The following ZSWIM5 variants were observed in gnomAD, a reference collection of about 807,000 sequenced individuals.
ZSWIM5 encodes the protein zinc finger SWIM-type containing 5, also known as zinc finger SWIM domain-containing protein 5.
A neutral mutation model predicts 119.6 loss-of-function variants in ZSWIM5; 55 were observed. The observed-to-expected ratio is 0.46, with a 90% CI of 0.37 to 0.58. The LOEUF is 0.58. Among genes scored for constraint, ZSWIM5 ranks in the 20% least tolerant of loss-of-function variants. ZSWIM5 has a pLI of 0.00. For missense variants in ZSWIM5, 1,193 were observed against 1,512.8 expected (o/e 0.79, Z 3.51); for synonymous variants, 537 against 606.9 (o/e 0.88, Z 1.69).
At chr1:45,180,756 C>T (rs966494418) in intron 1 of ZSWIM5, among the ~76,000 whole-genome samples, 1 of 152,120 alleles carries the variant, frequency 6.6e-6, no homozygotes, top group Non-Finnish European at 1.5e-5. Flanking sequence ...AACGATCAGA[C>T]AGCAGCATTC....
intron 1 of ZSWIM5, among the ~76,000 whole-genome samples, chr1:45,123,794 C>T (rs546352614): frequency 6.6e-6 from 1 of 152,190 alleles, no homozygotes; most frequent in East Asian, 1.9e-4. Flanking sequence ...CAAAGAAATC[C>T]ACGTCAAGAT....
intron 11 of ZSWIM5, among the ~76,000 whole-genome samples, chr1:45,024,102 A>G (rs1644905590): frequency 6.6e-6 from 1 of 151,688 alleles, no homozygotes. Flanking sequence ...TATTTGGGAT[A>G]TAAGTCCTTT....
intron 11 of ZSWIM5, among the ~76,000 whole-genome samples, chr1:45,024,603 C>A (rs1271289454): frequency 6.6e-6 from 1 of 151,924 alleles, no homozygotes; most frequent in Non-Finnish European, 1.5e-5. Flanking sequence ...ATTGTCAAAC[C>A]CCAAATCACC....
intron 1 of ZSWIM5, among the ~76,000 whole-genome samples, chr1:45,189,414 A>G (rs1646078036): frequency 6.6e-6 from 1 of 152,138 alleles, no homozygotes; most frequent in Non-Finnish European, 1.5e-5. Context: ...TAATATATCA[A>G]AGAACCATTA....
intron 1 of ZSWIM5, among the ~76,000 whole-genome samples, chr1:45,112,113 A>G (rs565126669): frequency 2.0e-5 from 3 of 152,314 alleles, no homozygotes; most frequent in South Asian, 4.2e-4. Flanking sequence ...CTATCTTCAC[A>G]AACAAGACAG....
chr1:45,128,158 A>T (rs1645632137), intron 1 of ZSWIM5, among the ~76,000 whole-genome samples: 1 of 152,222 alleles, frequency 6.6e-6, no homozygotes, highest in South Asian at 2.1e-4. Context: ...ATGGAAAGTC[A>T]AAGGCACTTA....
rs956128703 is a variant in ZSWIM5 at position 45,162,350 on chromosome 1, A to G, written c.595+43406T>C. Among the ~76,000 whole-genome samples, 8 of 152,290 alleles carry G rather than the reference A, an allele frequency of 5.3e-5. No homozygotes were observed. In the East Asian group the frequency reaches 1.5e-3, roughly 29 times the overall value. ...CTACTAAAAATACAAAAATTGGGAG[A>G]GGAGGTTCCAAGATGGCCGAATAGG... On this transcript the variant is annotated intron_variant, in intron 1 of 13. Transcript: ENST00000359600.
chr1:45,078,260 T>C (rs575041784), intron 2 of ZSWIM5, among the ~76,000 whole-genome samples: 1 of 152,370 alleles, frequency 6.6e-6, no homozygotes, highest in East Asian at 1.9e-4. Flanking sequence ...TCTTCTGTCA[T>C]GGCTTCAGCC....
At chr1:45,044,723 CAAAAAAAA>C (rs869224710) in intron 5 of ZSWIM5, among the ~76,000 whole-genome samples, 425 of 4,398 alleles carry the variant, frequency 0.097, 77 homozygotes, top group African/African-American at 0.1. Flanking sequence ...GACTCCGTCT[CAAAAAAAA>C]AAAAAAAAAA....
intron 1 of ZSWIM5, among the ~76,000 whole-genome samples, chr1:45,146,890 G>T (rs1645765195): frequency 6.6e-6 from 1 of 151,980 alleles, no homozygotes; most frequent in Non-Finnish European, 1.5e-5. Context: ...ACCATCCTTG[G>T]TCCTACATTA....
chr1:45,175,208 T>C (rs1345687157), intron 1 of ZSWIM5, among the ~76,000 whole-genome samples: 2 of 152,114 alleles, frequency 1.3e-5, no homozygotes, highest in African/African-American at 4.8e-5. Context: ...AGATTCAGGT[T>C]ATCTATCTTT....
chr1:45,151,244 TTATA>T (rs1284447773), intron 1 of ZSWIM5, among the ~76,000 whole-genome samples: 1 of 151,882 alleles, frequency 6.6e-6, no homozygotes, highest in Non-Finnish European at 1.5e-5. Context: ...AGTTATATAT[TTATA>T]TATACTTAAA....
intron 11 of ZSWIM5, among the ~76,000 whole-genome samples, chr1:45,023,904 CT>C (rs1644903623): frequency 6.6e-6 from 1 of 152,182 alleles, no homozygotes; most frequent in African/African-American, 2.4e-5. Flanking sequence ...TTTAGCCATC[CT>C]AGTACTGTGT....
In ZSWIM5 at chr1:45,036,317, C is replaced by A; in HGVS notation, c.1895-18G>T. ...ATTCATATCTGAGGGCAACAGGGCA[C>A]CAAATTCTTTAGGTTAGGCTTGGTA... On this transcript the variant is annotated intron_variant, in intron 8 of 13. Transcript: ENST00000359600. 1.2e-6 allele frequency: 2 copies of A among 1,602,264 alleles called. No homozygotes were observed. The highest frequency in any genetic ancestry group is 1.7e-6 in the Non-Finnish European group (2 of 1,174,380).
At chr1:45,030,432 A>G (rs1644946082) in intron 11 of ZSWIM5, among the ~76,000 whole-genome samples, 1 of 152,054 alleles carries the variant, frequency 6.6e-6, no homozygotes, top group Non-Finnish European at 1.5e-5. Flanking sequence ...TTTTTAGTAC[A>G]GACAGGGTTT....
chr1:45,098,493 A>C (rs188182841), intron 1 of ZSWIM5, among the ~76,000 whole-genome samples: 1 of 152,330 alleles, frequency 6.6e-6, no homozygotes, highest in Admixed American at 6.5e-5. Flanking sequence ...CCAATGGGGA[A>C]ATAATATCAT....
chr1:45,153,680 T>C (rs1645811207), intron 1 of ZSWIM5, among the ~76,000 whole-genome samples: 1 of 152,046 alleles, frequency 6.6e-6, no homozygotes, highest in Admixed American at 6.6e-5. Flanking sequence ...TGATCAACAG[T>C]GGACTGGATA....
At chr1:45,150,928 C>T (rs1645793427) in intron 1 of ZSWIM5, among the ~76,000 whole-genome samples, 1 of 152,180 alleles carries the variant, frequency 6.6e-6, no homozygotes, top group African/African-American at 2.4e-5. Flanking sequence ...ACAGAAGGAA[C>T]CCAGGATTCT....
chr1:45,170,776 C>T (rs1334373264), intron 1 of ZSWIM5, among the ~76,000 whole-genome samples: 1 of 149,772 alleles, frequency 6.7e-6, no homozygotes, highest in Non-Finnish European at 1.5e-5. Context: ...TGGGGTCTTG[C>T]TTTGTTGCCC....
Sources: gnomAD v4.1 joint callset for allele counts (sites outside exome capture counted in the v4.1 genomes callset) on GRCh38, gnomAD v4.1.1 for gene constraint, MANE v1.5 for transcripts, NCBI Gene and HGNC (gene_info 2026-07-23, HGNC 2026-07-21) for gene names.